GPR149: variants seen among roughly 807,000 people sequenced by gnomAD.
GPR149 encodes the protein G protein-coupled receptor 149, also known as probable G protein-coupled receptor 149.
In GPR149, 50 loss-of-function variants were observed where a neutral mutation model predicts 50.2. That is an observed-to-expected ratio of 1.00 (90% confidence interval 0.79 to 1.26). The LOEUF is 1.26. Among genes scored for constraint, GPR149 ranks in the 50% most tolerant of loss-of-function variants. The pLI, the probability that GPR149 is intolerant of heterozygous loss-of-function variation, is 0.00. For missense variants in GPR149, 983 were observed against 895.4 expected, an observed-to-expected ratio of 1.10 and a Z score of -1.25; for synonymous variants, 405 against 358.2, an observed-to-expected ratio of 1.13 and a Z score of -1.48.
chr3:154,356,546 C>A (rs1460489436), intron 3 of GPR149, among the ~76,000 whole-genome samples: 2 of 152,094 alleles, frequency 1.3e-5, no homozygotes, highest in African/African-American at 4.8e-5. Flanking sequence ...AACAGACAAA[C>A]AGAGAGCCAA....
Position 154,336,672 on chromosome 3 carries a change from A to T in GPR149, c.*1027T>A, listed in dbSNP as rs1161244266. On this transcript the variant is annotated 3_prime_UTR_variant, in exon 4 of 4. Transcript: ENST00000389740. ...TAGGTTCAACTGTTTCTTTGAGACA[A>T]CACGTCTTTAGAGAAGAAACAAAAA... The T allele has an allele frequency of 6.6e-6, 1 of 152,154 alleles. No individual in the cohort carries two copies. The highest frequency in any genetic ancestry group is 1.5e-5 in the Non-Finnish European group (1 of 67,970). The allele number at this position is 152,154 out of a possible 1,614,324, so 9.4% of individuals were successfully genotyped here. A position where few individuals can be genotyped will look rare whatever the true frequency, so the allele number is the denominator to read the frequency against.
At chr3:154,371,359 C>A (rs911470154) in intron 3 of GPR149, among the ~76,000 whole-genome samples, 1 of 152,108 alleles carries the variant, frequency 6.6e-6, no homozygotes. Context: ...CTTTCTAGCA[C>A]CTCCCATGTC....
chr3:154,373,099 G>A (rs753310954), intron 3 of GPR149, among the ~76,000 whole-genome samples: 75 of 152,102 alleles, frequency 4.9e-4, no homozygotes, highest in Admixed American at 3.3e-4. Context: ...TCAGGAGTTT[G>A]TGTGAAATGA....
intron 3 of GPR149, among the ~76,000 whole-genome samples, chr3:154,363,453 G>A (rs1275482763): frequency 6.6e-6 from 1 of 152,078 alleles, no homozygotes; most frequent in South Asian, 2.1e-4. Context: ...CTGTCCCATT[G>A]CTGCAGCCTC....
intron 3 of GPR149, among the ~76,000 whole-genome samples, chr3:154,392,205 C>A (rs1399840): frequency 0.96 from 145,514 of 151,888 alleles, 69,802 homozygotes; most frequent in East Asian, 1. Context: ...CAGAATATAC[C>A]TTCTCCTCTT....
intron 3 of GPR149, among the ~76,000 whole-genome samples, chr3:154,338,889 C>G (rs1384678759): frequency 6.6e-6 from 1 of 152,154 alleles, no homozygotes; most frequent in African/African-American, 2.4e-5. Flanking sequence ...ATAAAGAATA[C>G]TATTCCACCT....
intron 3 of GPR149, among the ~76,000 whole-genome samples, chr3:154,386,439 C>T (rs1475322958): frequency 6.6e-6 from 1 of 152,220 alleles, no homozygotes; most frequent in African/African-American, 2.4e-5. Context: ...GTTGAGAAAC[C>T]TGGGTGGCAC....
In GPR149 at chr3:154,335,463, T is replaced by G. The variant is rs1441075719; in HGVS notation, c.*2236A>C. 1 of 152,148 alleles carries G rather than the reference T, an allele frequency of 6.6e-6. No homozygotes were observed. The highest frequency in any genetic ancestry group is 1.5e-5 in the Non-Finnish European group (1 of 67,986). The allele number at this position is 152,148 out of a possible 1,614,324, so 9.4% of individuals were successfully genotyped here. A position where few individuals can be genotyped will look rare whatever the true frequency, so the allele number is the denominator to read the frequency against. ...GCTATTGTTGGCTTGGAGTTTGAAG[T>G]GTTACAGGTTAGTAATATGGTGCTG... On this transcript the variant is annotated 3_prime_UTR_variant, in exon 4 of 4. Coordinates refer to ENST00000389740, the MANE Select transcript of GPR149 (RefSeq NM_001038705.3).
intron 3 of GPR149, among the ~76,000 whole-genome samples, chr3:154,370,870 C>T (rs1426081556): frequency 2.6e-5 from 4 of 152,186 alleles, no homozygotes; most frequent in Non-Finnish European, 5.9e-5. Context: ...ACATGCCTTT[C>T]TTGTTATGCC....
chr3:154,378,361 T>G (rs557516424), intron 3 of GPR149, among the ~76,000 whole-genome samples: 1 of 152,160 alleles, frequency 6.6e-6, no homozygotes, highest in South Asian at 2.1e-4. Context: ...CCCAAAGTGC[T>G]GGGATTACAG....
At chr3:154,383,608 C>A (rs1714979842) in intron 3 of GPR149, among the ~76,000 whole-genome samples, 3 of 152,076 alleles carry the variant, frequency 2.0e-5, no homozygotes, top group African/African-American at 7.2e-5. Context: ...CTGATTTATA[C>A]TTTGTGTGGC....
rs556826402 is a variant in GPR149 at position 154,427,530 on chromosome 3, G to A, written c.1160C>T (p.Ser387Phe). The A allele has an allele frequency of 4.0e-5, 64 of 1,605,068 alleles. 1 individual carries two copies. In the East Asian group the frequency reaches 1.3e-3, roughly 32 times the overall value. Residue 387 changes from serine (S) to phenylalanine (F), a missense_variant, in exon 2 of 4, where the codon TCC (serine) becomes TTC (phenylalanine). Transcript: ENST00000389740. ...TGAGGACTTACTTTTTTTCCCATCG[G>A]ACGCCACTGCATATGCGTTCTGCCT... ...NCRQNAYAVA[S>F]DGKKIKRKGF...
intron 3 of GPR149, among the ~76,000 whole-genome samples, chr3:154,341,412 G>A (rs1713798186): frequency 7.1e-6 from 1 of 141,578 alleles, no homozygotes; most frequent in African/African-American, 2.6e-5. Context: ...TTCTAAAGAA[G>A]TAATCTAAAA....
intron 2 of GPR149, among the ~76,000 whole-genome samples, chr3:154,423,160 CTA>C (rs1338301722): frequency 6.6e-6 from 1 of 151,728 alleles, no homozygotes; most frequent in East Asian, 1.9e-4. Flanking sequence ...GTGAGGTAGG[CTA>C]TGAAAAGAAA....
chr3:154,414,899 A>T (rs1327262770), intron 3 of GPR149, among the ~76,000 whole-genome samples: 1 of 152,022 alleles, frequency 6.6e-6, no homozygotes, highest in Non-Finnish European at 1.5e-5. Context: ...ACGATTTATC[A>T]TCAGGGATTA....
At chr3:154,407,461 G>C (rs1225421949) in intron 3 of GPR149, among the ~76,000 whole-genome samples, 1 of 151,802 alleles carries the variant, frequency 6.6e-6, no homozygotes, top group Non-Finnish European at 1.5e-5. Flanking sequence ...ATCAGAACTG[G>C]GCAAAAAAGT....
chr3:154,402,847 C>T (rs1711580875), intron 3 of GPR149, among the ~76,000 whole-genome samples: 1 of 152,142 alleles, frequency 6.6e-6, no homozygotes, highest in Non-Finnish European at 1.5e-5. Context: ...ATCCACAGTG[C>T]TTCTATGAAA....
At chr3:154,390,240 T>G (rs1420936788) in intron 3 of GPR149, among the ~76,000 whole-genome samples, 1 of 151,940 alleles carries the variant, frequency 6.6e-6, no homozygotes, top group Non-Finnish European at 1.5e-5. Context: ...ACGATAATCT[T>G]CCAGAAACCA....
chr3:154,375,003 G>A (rs560081702), intron 3 of GPR149, among the ~76,000 whole-genome samples: 12 of 152,274 alleles, frequency 7.9e-5, no homozygotes, highest in Middle Eastern at 3.4e-3. Flanking sequence ...TTTGGCAGAG[G>A]TTTGTTCCTG....
Sources: allele counts gnomAD v4.1 joint callset (sites outside exome capture counted in the v4.1 genomes callset), GRCh38; gene constraint gnomAD v4.1.1; transcripts MANE v1.5; gene names NCBI Gene and HGNC (gene_info 2026-07-23, HGNC 2026-07-21).